The following TMPRSS15 variants were observed in gnomAD, a reference collection of about 807,000 sequenced individuals.
TMPRSS15 encodes transmembrane serine protease 15.
Under a neutral mutation model 125.3 loss-of-function variants are expected in TMPRSS15, and 128 were observed. That is an observed-to-expected ratio of 1.02 (90% CI 0.89 to 1.18). TMPRSS15 has a LOEUF of 1.18. Ranked by LOEUF, TMPRSS15 falls within the 50% of genes most tolerant of loss-of-function variation. The pLI is 0.00. For synonymous variants in TMPRSS15, 446 were observed against 423.2 expected (o/e 1.05, Z -0.66); for missense variants, 1,283 against 1,212.7 (o/e 1.06, Z -0.86).
chr21:18,408,816 TTTTG>T (rs1377185572), intron 1 of TMPRSS15, among the ~76,000 whole-genome samples: 5 of 152,096 alleles, frequency 3.3e-5, no homozygotes, highest in Non-Finnish European at 2.9e-5. Flanking sequence ...TACTGGATAT[TTTTG>T]TTTATTTTTT....
chr21:18,290,234 A>C (rs996364630), intron 21 of TMPRSS15, among the ~76,000 whole-genome samples: 1 of 152,194 alleles, frequency 6.6e-6, no homozygotes. Flanking sequence ...ATATATTTGT[A>C]GGTATATAAT....
At chr21:18,302,307 G>A (rs923019138) in intron 18 of TMPRSS15, among the ~76,000 whole-genome samples, 2 of 152,170 alleles carry the variant, frequency 1.3e-5, no homozygotes, top group African/African-American at 4.8e-5. Flanking sequence ...TGATTTAGCA[G>A]GACAGAAGGC....
intron 10 of TMPRSS15, among the ~76,000 whole-genome samples, chr21:18,344,519 C>G (rs1439860217): frequency 6.6e-6 from 1 of 152,152 alleles, no homozygotes; most frequent in Non-Finnish European, 1.5e-5. Context: ...TTATATTTCA[C>G]TGAACACTTC....
At chr21:18,310,932 TC>T (rs371122239) in intron 18 of TMPRSS15, among the ~76,000 whole-genome samples, 4 of 88,212 alleles carry the variant, frequency 4.5e-5, no homozygotes, top group South Asian at 7.9e-4. Flanking sequence ...GCCCACTGAT[TC>T]TTTTTTTTTT....
chr21:18,406,600 T>C (rs2076152500), upstream of TMPRSS15, among the ~76,000 whole-genome samples: 1 of 152,128 alleles, frequency 6.6e-6, no homozygotes, highest in Non-Finnish European at 1.5e-5. Context: ...GTAGTAGTTA[T>C]GGAATTCTAA....
intron 3 of TMPRSS15, among the ~76,000 whole-genome samples, chr21:18,396,360 C>G (rs933545601): frequency 3.3e-5 from 5 of 152,076 alleles, no homozygotes; most frequent in African/African-American, 7.2e-5. Flanking sequence ...AAACACATTC[C>G]CCAACACCTA....
At chr21:18,470,361 C>A (rs1213265059) in intron 1 of TMPRSS15, among the ~76,000 whole-genome samples, 1 of 151,796 alleles carries the variant, frequency 6.6e-6, no homozygotes, top group Admixed American at 6.6e-5. Flanking sequence ...CCTGTCCTTG[C>A]AAACTGTCAA....
chr21:18,323,757 G>T (rs1377039417), intron 16 of TMPRSS15, among the ~76,000 whole-genome samples: 2 of 151,982 alleles, frequency 1.3e-5, no homozygotes, highest in Non-Finnish European at 2.9e-5. Flanking sequence ...AAAAAATTTA[G>T]GATGGCCTCC....
chr21:18,360,037 C>G (rs1234284269), intron 7 of TMPRSS15, among the ~76,000 whole-genome samples, 174 bp from the exon 8 acceptor site: 2 of 152,042 alleles, frequency 1.3e-5, no homozygotes, highest in Non-Finnish European at 2.9e-5. Flanking sequence ...CAATGATGTA[C>G]AGCAGATCTC....
At chr21:18,390,811 A>G (rs543324526) in intron 3 of TMPRSS15, among the ~76,000 whole-genome samples, 1 of 152,302 alleles carries the variant, frequency 6.6e-6, no homozygotes, top group Non-Finnish European at 1.5e-5. Flanking sequence ...TACTATAAAG[A>G]AATACCTGAG....
chr21:18,272,770 T>G (rs944207163), intron 24 of TMPRSS15, among the ~76,000 whole-genome samples: 59 of 152,208 alleles, frequency 3.9e-4, no homozygotes, highest in African/African-American at 1.3e-3. Flanking sequence ...CGTAAATAAA[T>G]ATTTTTAAAA....
At chr21:18,460,527 T>G (rs1259085076) in intron 1 of TMPRSS15, 5 of 151,906 alleles carry the variant, frequency 3.3e-5, no homozygotes, top group Non-Finnish European at 7.4e-5. Flanking sequence ...AACAATAGAG[T>G]GTTTGTGTCT....
intron 5 of TMPRSS15, among the ~76,000 whole-genome samples, chr21:18,374,563 A>G (rs1466256328): frequency 6.7e-6 from 1 of 149,292 alleles, no homozygotes; most frequent in Non-Finnish European, 1.5e-5. Context: ...TGGGATGTTT[A>G]TGGAAGGCAT....
At chr21:18,389,115 GAGAA>G (rs780082650) in intron 3 of TMPRSS15, among the ~76,000 whole-genome samples, 17 of 142,780 alleles carry the variant, frequency 1.2e-4, no homozygotes, top group South Asian at 4.4e-4. Context: ...AAAAGAGAAA[GAGAA>G]AGAAAGAAAG....
chr21:18,378,947 G>GA (rs531489175), intron 5 of TMPRSS15, among the ~76,000 whole-genome samples: 1 of 151,562 alleles, frequency 6.6e-6, no homozygotes, highest in African/African-American at 2.4e-5. Flanking sequence ...ATAATCAAAG[G>GA]AAAAAAAATC....
intron 1 of TMPRSS15, among the ~76,000 whole-genome samples, chr21:18,457,634 T>A (rs982365868): frequency 1.4e-4 from 21 of 152,054 alleles, no homozygotes; most frequent in African/African-American, 5.1e-4. Context: ...TAGCAAAAAA[T>A]TTTGTTTCTG....
chr21:18,443,999 T>C (rs1037444881), intron 1 of TMPRSS15, among the ~76,000 whole-genome samples: 31 of 152,138 alleles, frequency 2.0e-4, no homozygotes, highest in Non-Finnish European at 3.7e-4. Context: ...TGCTTCTGTT[T>C]GAACTTGGCT....
chr21:18,469,478 C>T lies in TMPRSS15; in HGVS notation c.10+16321G>A, dbSNP rs370631315. Among the ~76,000 whole-genome samples the T allele has an allele frequency of 5.3e-5, 8 of 152,170 alleles. No homozygotes were observed. In the East Asian group the frequency reaches 1.5e-3, roughly 29 times the overall value. Reference sequence around the variant, plus strand: ...TAAAAATATTAAATTTTACATTTAGCTTTTGAAAATGATTGGGACAATTCT... The same window carrying T: ...TAAAAATATTAAATTTTACATTTAGTTTTTGAAAATGATTGGGACAATTCT... On this transcript the variant is annotated intron_variant, in intron 1 of 7. Coordinates refer to the TMPRSS15 transcript ENST00000422787.
At chr21:18,394,608 T>C (rs1373801212) in intron 3 of TMPRSS15, among the ~76,000 whole-genome samples, 1 of 151,362 alleles carries the variant, frequency 6.6e-6, no homozygotes, top group East Asian at 1.9e-4. Context: ...TTGATACTTT[T>C]GATGTATCCA....
Sources: allele counts gnomAD v4.1 joint callset (sites outside exome capture counted in the v4.1 genomes callset), GRCh38; gene constraint gnomAD v4.1.1; transcripts MANE v1.5; gene names NCBI Gene and HGNC (gene_info 2026-07-23, HGNC 2026-07-21).